The following RARB variants were observed in gnomAD, a reference collection of about 807,000 sequenced individuals.
The protein encoded by RARB is HBV-activated protein.
A neutral mutation model predicts 51.9 loss-of-function variants in RARB; 17 were observed. That is an observed-to-expected ratio of 0.33 (90% CI 0.22 to 0.49). The LOEUF (loss-of-function observed/expected upper bound fraction) is 0.49. Ranked by LOEUF, RARB falls within the 20% of genes least tolerant of loss-of-function variation. The probability of loss-of-function intolerance (pLI) is 0.99; values close to 1 mark genes in which losing one functional copy is unlikely to be tolerated. For missense variants in RARB, 369 were observed against 550.8 expected (o/e 0.67, Z 3.30); for synonymous variants, 215 against 195.4 (o/e 1.10, Z -0.84).
chr3:25,155,103 C>A (rs1288791847), intron 4 of RARB, among the ~76,000 whole-genome samples: 1 of 152,204 alleles, frequency 6.6e-6, no homozygotes, highest in African/African-American at 2.4e-5. Context: ...TCACTATTCT[C>A]TTTCCGTATG....
chr3:25,153,341 A>G (rs1700322801), intron 4 of RARB, among the ~76,000 whole-genome samples: 1 of 152,218 alleles, frequency 6.6e-6, no homozygotes, highest in African/African-American at 2.4e-5. Context: ...GTCATCAAAA[A>G]TATCACTAAT....
chr3:25,109,913 T>TC (rs1178201246), intron 3 of RARB, among the ~76,000 whole-genome samples: 1 of 152,208 alleles, frequency 6.6e-6, no homozygotes, highest in Non-Finnish European at 1.5e-5. Flanking sequence ...CCCTGTAGGC[T>TC]CCTGTTATAA....
chr3:24,889,503 A>C (rs1257153254), intron 2 of RARB, among the ~76,000 whole-genome samples: 1 of 152,184 alleles, frequency 6.6e-6, no homozygotes, highest in Non-Finnish European at 1.5e-5. Context: ...ATTTCCAAAG[A>C]AATTTTTACA....
At chr3:24,854,295 C>T (rs1025364747) in intron 1 of RARB, among the ~76,000 whole-genome samples, 3 of 152,184 alleles carry the variant, frequency 2.0e-5, no homozygotes, top group Admixed American at 2.0e-4. Context: ...TCAAACAACT[C>T]ATGTTTCTCA....
chr3:25,396,286 T>C (rs1461934990), intron 5 of RARB, among the ~76,000 whole-genome samples: 2 of 152,238 alleles, frequency 1.3e-5, no homozygotes, highest in Admixed American at 6.5e-5. Flanking sequence ...TTGAACTCTT[T>C]GAGGGTCCTT....
At chr3:25,550,820 A>G (rs1004967155) in intron 3 of RARB, among the ~76,000 whole-genome samples, 1 of 152,120 alleles carries the variant, frequency 6.6e-6, no homozygotes, top group Admixed American at 6.5e-5. Flanking sequence ...GCTCCCACTT[A>G]TAAGTGAGGA....
At chr3:25,361,984 G>A (rs1167564736) in intron 5 of RARB, among the ~76,000 whole-genome samples, 2 of 152,198 alleles carry the variant, frequency 1.3e-5, no homozygotes, top group African/African-American at 4.8e-5. Flanking sequence ...GAGGCAGTCT[G>A]TCCCTTAACA....
rs377522371 is a variant in RARB at position 25,387,198 on chromosome 3, TG to T, written c.179-73993del. 3.7e-3 allele frequency among the ~76,000 whole-genome samples: 557 copies of T among 152,268 alleles called. 7 individuals are homozygous for T. Among genetic ancestry groups the T allele is most frequent in the African/African-American group, 0.013 (524 of 41,574 alleles). On this transcript the variant is annotated intron_variant, in intron 5 of 11. Transcript: ENST00000383772. Reference sequence around the variant, plus strand: ...ACAGAAACCCAGCAGGAGAAAACAGTGGCTTAATTCCTTTTGGAGCCATCAG... The same window carrying T: ...ACAGAAACCCAGCAGGAGAAAACAGTGCTTAATTCCTTTTGGAGCCATCAG...
chr3:25,300,866 G>C (rs1057261217), intron 5 of RARB, among the ~76,000 whole-genome samples: 10 of 152,052 alleles, frequency 6.6e-5, no homozygotes, highest in Admixed American at 1.3e-4. Context: ...GCATGGTGGC[G>C]GGTGCCTGTA....
chr3:25,188,613 C>T (rs1368101854), intron 5 of RARB, among the ~76,000 whole-genome samples: 2 of 152,074 alleles, frequency 1.3e-5, no homozygotes, highest in East Asian at 3.9e-4. Flanking sequence ...ATCTGATATC[C>T]ATGTACTCTA....
chr3:24,906,658 C>A (rs1004037014), intron 2 of RARB, among the ~76,000 whole-genome samples: 3 of 151,898 alleles, frequency 2.0e-5, no homozygotes, highest in Non-Finnish European at 4.4e-5. Context: ...GCCTGGCTAA[C>A]ATGGTGAAAC....
rs540842278 is a variant in RARB at position 25,581,871 on chromosome 3, T to C, written c.786+1149T>C. On this transcript the variant is annotated intron_variant, in intron 5 of 7. Transcript: ENST00000330688. ...CCATGCCAGCTCCCTGACCTCAGAC[T>C]TCCAGCCTCTAGACCTAGGAGAAGC... is the stretch of plus-strand genomic sequence containing the variant. Among the ~76,000 whole-genome samples the C allele has an allele frequency of 3.0e-4, 45 of 152,232 alleles. 2 individuals carry two copies. The Middle Eastern group carries it at 0.01, about 35-fold the overall frequency.
At chr3:25,334,981 G>T (rs933969733) in intron 5 of RARB, among the ~76,000 whole-genome samples, 1 of 152,150 alleles carries the variant, frequency 6.6e-6, no homozygotes, top group South Asian at 2.1e-4. Flanking sequence ...CTTTCTGTTG[G>T]GGTTACTTAG....
intron 2 of RARB, among the ~76,000 whole-genome samples, chr3:25,047,810 G>T (rs1410024227): frequency 1.3e-5 from 2 of 152,154 alleles, no homozygotes; most frequent in Middle Eastern, 3.2e-3. Context: ...AGGTGGTTTT[G>T]CTTGTACAGA....
At chr3:25,382,095 AAGGGAATTGCT>A (rs1706645182) in intron 5 of RARB, among the ~76,000 whole-genome samples, 2 of 152,128 alleles carry the variant, frequency 1.3e-5, no homozygotes, top group African/African-American at 2.4e-5. Flanking sequence ...TTGGCCCCAG[AAGGGAATTGCT>A]TGTTTCTTTG....
At chr3:25,023,952 C>A (rs1697691602) in intron 2 of RARB, among the ~76,000 whole-genome samples, 1 of 152,058 alleles carries the variant, frequency 6.6e-6, no homozygotes. Flanking sequence ...CTGAGTCTTA[C>A]CATTAACTCT....
chr3:25,010,571 A>T (rs989455280), intron 2 of RARB, among the ~76,000 whole-genome samples: 3 of 152,066 alleles, frequency 2.0e-5, no homozygotes, highest in Non-Finnish European at 4.4e-5. Flanking sequence ...CTCACACTCA[A>T]CTAACATTGG....
intron 5 of RARB, among the ~76,000 whole-genome samples, chr3:25,343,933 A>T (rs1350721400): frequency 1.3e-5 from 2 of 152,178 alleles, no homozygotes; most frequent in African/African-American, 4.8e-5. Flanking sequence ...TGAAGCAGAC[A>T]AAAAGACCCA....
intron 2 of RARB, among the ~76,000 whole-genome samples, chr3:24,974,037 G>T (rs990549202): frequency 1.3e-5 from 2 of 151,970 alleles, no homozygotes; most frequent in Non-Finnish European, 2.9e-5. Flanking sequence ...CCAGATCTTG[G>T]AGGAAAGGCT....
Sources: allele counts gnomAD v4.1 joint callset (sites outside exome capture counted in the v4.1 genomes callset), GRCh38; gene constraint gnomAD v4.1.1; transcripts MANE v1.5; gene names NCBI Gene and HGNC (gene_info 2026-07-23, HGNC 2026-07-21).